The following FBN2 variants were observed in gnomAD, a reference collection of about 807,000 sequenced individuals.
FBN2 encodes fibrillin 2, also known as fibrillin-2.
Under a neutral mutation model 355.6 loss-of-function variants are expected in FBN2, and 105 were observed. That is an observed-to-expected ratio of 0.30 (90% confidence interval 0.25 to 0.35). FBN2 has a LOEUF of 0.35. FBN2 is among the 10% of genes least tolerant of loss of function. FBN2 has a pLI of 1.00. For synonymous variants in FBN2, 1,350 were observed against 1,301.2 expected, an observed-to-expected ratio of 1.04 and a Z score of -0.81; for missense variants, 3,280 against 3,758.7, an observed-to-expected ratio of 0.87 and a Z score of 3.33.
intron 55 of FBN2, among the ~76,000 whole-genome samples, chr5:128,281,560 T>C (rs1171239236): frequency 6.6e-6 from 1 of 152,240 alleles, no homozygotes; most frequent in Non-Finnish European, 1.5e-5. Context: ...AGATTTTTAG[T>C]GTGCCATCAG....
intron 5 of FBN2, among the ~76,000 whole-genome samples, chr5:128,486,779 C>T (rs1755348511): frequency 1.3e-5 from 2 of 152,128 alleles, no homozygotes; most frequent in South Asian, 4.1e-4. Context: ...CCCATCCCCC[C>T]ACCTCATGAC....
intron 5 of FBN2, among the ~76,000 whole-genome samples, chr5:128,518,561 A>C (rs1411047661): frequency 6.6e-6 from 1 of 151,646 alleles, no homozygotes; most frequent in African/African-American, 2.4e-5. Flanking sequence ...TACCACCACC[A>C]CCCCCCACTT....
chr5:128,454,848 A>G (rs934490151), intron 6 of FBN2, among the ~76,000 whole-genome samples: 1 of 152,220 alleles, frequency 6.6e-6, no homozygotes, highest in Non-Finnish European at 1.5e-5. Flanking sequence ...TTACCTGGAA[A>G]GGAGCAGAGG....
intron 5 of FBN2, among the ~76,000 whole-genome samples, chr5:128,465,646 TGA>T (rs1474702775): frequency 2.0e-5 from 3 of 152,236 alleles, no homozygotes; most frequent in Non-Finnish European, 2.9e-5. Context: ...CACATAGTCA[TGA>T]ATTCCTTACA....
intron 15 of FBN2, among the ~76,000 whole-genome samples, chr5:128,373,760 G>A (rs1476018346): frequency 6.6e-6 from 1 of 152,136 alleles, no homozygotes; most frequent in Non-Finnish European, 1.5e-5. Context: ...TGACGCTTCT[G>A]TTTTGCCTGC....
At position 128,334,568 on chromosome 5, in the gene FBN2, C is replaced by A. The variant is rs968520630; in HGVS notation, c.4099+151G>T. 6 of 864,422 alleles carry A rather than the reference C, an allele frequency of 6.9e-6. No individual in the cohort carries two copies. In the South Asian group the frequency reaches 8.6e-5, roughly 12 times the overall value. 53.5% of individuals were successfully genotyped at this position (864,422 alleles called of 1,614,324 possible). ...CCACAGAGACCAGCCAAATCCATCA[C>A]ACATCCTATAGGTCACACACTCATC... On this transcript the variant is annotated intron_variant, in intron 31 of 64. Transcript: ENST00000262464.
At chr5:128,509,917 G>A (rs1277800783) in intron 5 of FBN2, among the ~76,000 whole-genome samples, 2 of 152,110 alleles carry the variant, frequency 1.3e-5, no homozygotes, top group African/African-American at 4.8e-5. Flanking sequence ...GCAACTCTGA[G>A]TATTGTTCCT....
intron 5 of FBN2, among the ~76,000 whole-genome samples, chr5:128,465,894 G>T (rs1754698450): frequency 6.6e-6 from 1 of 152,150 alleles, no homozygotes; most frequent in Non-Finnish European, 1.5e-5. Flanking sequence ...GCCCTACCCT[G>T]ACCCACTAAC....
Position 128,311,322 on chromosome 5 carries a change from G to A in FBN2, c.5052C>T (p.Ser1684=), listed in dbSNP as rs759015681. Residue 1684 remains serine, a synonymous_variant, in exon 39 of 65, where the codon AGC becomes AGT. Transcript: ENST00000262464. ...QCECPQGYYL[S]EDTRICEDID... ...CACCTTCACAGATGCGGGTATCCTC[G>A]CTGAGGTAGTAGCCTTGTGGGCACT... 3.1e-6 allele frequency: 5 copies of A among 1,613,938 alleles called. No homozygotes were observed. Among genetic ancestry groups the A allele is most frequent in the Middle Eastern group, 1.6e-4 (1 of 6,084 alleles).
Position 128,342,548 on chromosome 5 carries a change from A to G in FBN2, c.3343+1837T>C, listed in dbSNP as rs76322634. 4.6e-4 allele frequency among the ~76,000 whole-genome samples: 70 copies of G among 152,200 alleles called. No individual in the cohort carries two copies. In the East Asian group the frequency reaches 0.01, roughly 22 times the overall value. On this transcript the variant is annotated intron_variant, in intron 25 of 64. Coordinates refer to ENST00000262464, the MANE Select transcript of FBN2 (RefSeq NM_001999.4). Reference sequence around the variant, plus strand: ...CTGAGGAGATATTTTGAACCTGTGTATAAGTTGAGGAACAGGAAGCAGGGA... The same window carrying G: ...CTGAGGAGATATTTTGAACCTGTGTGTAAGTTGAGGAACAGGAAGCAGGGA...
chr5:128,294,733 T>A (rs1749451266), intron 48 of FBN2, among the ~76,000 whole-genome samples: 1 of 151,366 alleles, frequency 6.6e-6, no homozygotes, highest in Non-Finnish European at 1.5e-5. Flanking sequence ...AGATTCTGGA[T>A]ATTAGCCCTT....
chr5:128,322,054 CT>C (rs1187237437), intron 34 of FBN2, among the ~76,000 whole-genome samples: 1 of 152,082 alleles, frequency 6.6e-6, no homozygotes, highest in Non-Finnish European at 1.5e-5. Context: ...TGAGGATGTG[CT>C]TTTTTTCACG....
chr5:128,508,343 T>TA (rs1309995172), intron 5 of FBN2, among the ~76,000 whole-genome samples: 1 of 152,022 alleles, frequency 6.6e-6, no homozygotes, highest in Non-Finnish European at 1.5e-5. Context: ...TTGTTCTTCT[T>TA]ACCTTCTTTT....
At chr5:128,315,942 T>G (rs1750189001) in intron 36 of FBN2, among the ~76,000 whole-genome samples, 1 of 152,224 alleles carries the variant, frequency 6.6e-6, no homozygotes, top group African/African-American at 2.4e-5. Context: ...TGTGCTTAGA[T>G]GATTCACTTC....
At chr5:128,303,696 G>T (rs1036361474) in intron 45 of FBN2, among the ~76,000 whole-genome samples, 2 of 152,148 alleles carry the variant, frequency 1.3e-5, no homozygotes, top group South Asian at 4.1e-4. Context: ...AAAAGGGTGG[G>T]GGCTGGTATT....
rs1765456101 is a variant in FBN2 at position 128,278,646 on chromosome 5, G to A, written c.7334C>T (p.Thr2445Ile). The A allele has an allele frequency of 2.5e-6, 4 of 1,613,692 alleles. No individual in the cohort carries two copies. The highest frequency in any genetic ancestry group is 3.4e-6 in the Non-Finnish European group (4 of 1,179,710). The change falls in exon 57 of 65, where the codon ACT becomes ATT. Residue 2445 changes from threonine (T) to isoleucine (I), a missense_variant. By Grantham distance (89) the Thr-to-Ile change is moderately conservative. Around this residue, in one of 6 missense-constraint regions of FBN2, gnomAD observed 2,284 missense variants for 2,749.5 expected, o/e 0.83. Transcript: ENST00000262464. ...KICPHGPGYT[T>I]DGRDIDECKV... ...CCTCAACTCCTTACCTCTTCCATCAGTTGTATATCCTGGGCCATGAGGACA... is the reference window on the plus strand; with the variant it reads ...CCTCAACTCCTTACCTCTTCCATCAATTGTATATCCTGGGCCATGAGGACA...
chr5:128,382,518 A>C (rs1484056922), intron 11 of FBN2, among the ~76,000 whole-genome samples: 1 of 152,032 alleles, frequency 6.6e-6, no homozygotes, highest in Non-Finnish European at 1.5e-5. Flanking sequence ...GTTGACTCCT[A>C]AATCTGTAAC....
chr5:128,311,196 A>T, intron 39 of FBN2, 104 bp downstream of exon 39: 1 of 1,247,994 alleles, frequency 8.0e-7, no homozygotes, highest in Non-Finnish European at 1.2e-6. Context: ...AACCAATCTT[A>T]ATTGAGCCTT....
Position 128,374,667 on chromosome 5 carries a change from G to T in FBN2, c.2056C>A (p.Pro686Thr). The change falls in exon 15 of 65, where the codon CCA becomes ACA. Residue 686 changes from proline (P) to threonine (T), a missense_variant. Pro to Thr is a conservative substitution (Grantham distance 38, BLOSUM62 -1). This residue lies in a region of FBN2 where 2,284 missense variants were observed against 2,749.5 expected (regional missense o/e 0.83). Transcript: ENST00000262464. ...SEGSFRCDCPPGLAVGMDGRV... is the reference protein window; with the variant it reads ...SEGSFRCDCPTGLAVGMDGRV... ...CCATCCATGCCCACAGCCAGGCCTG[G>T]GGGACAGTCACAGCGGAAGGACCCT... is the stretch of plus-strand genomic sequence containing the variant. 2 of 1,613,922 alleles carry T rather than the reference G, an allele frequency of 1.2e-6. No homozygotes were observed. The highest frequency in any genetic ancestry group is 1.7e-6 in the Non-Finnish European group (2 of 1,179,908).
Sources: allele counts gnomAD v4.1 joint callset (sites outside exome capture counted in the v4.1 genomes callset), GRCh38; gene constraint gnomAD v4.1.1; regional missense constraint gnomAD v4.1.1; transcripts MANE v1.5; gene names NCBI Gene and HGNC (gene_info 2026-07-23, HGNC 2026-07-21).